Variants in FCHO2 observed in about 807,000 individuals in gnomAD.
The protein encoded by FCHO2 is F-BAR domain only protein 2.
A neutral mutation model predicts 114.1 loss-of-function variants in FCHO2; 43 were observed. That is an observed-to-expected ratio of 0.38 (90% CI 0.30 to 0.49). The LOEUF is 0.49. FCHO2 is among the 20% of genes least tolerant of loss of function. The pLI is 0.97. For missense variants in FCHO2, 807 were observed against 950.4 expected (o/e 0.85, Z 1.98); for synonymous variants, 293 against 315.2 (o/e 0.93, Z 0.75).
At chr5:73,081,061 G>A (rs1404528607) in intron 22 of FCHO2, among the ~76,000 whole-genome samples, 1 of 152,194 alleles carries the variant, frequency 6.6e-6, no homozygotes, top group Non-Finnish European at 1.5e-5. Context: ...AGTGAGCCAT[G>A]AGCATGCCAC....
At chr5:73,011,139 A>T (rs945439289) in intron 6 of FCHO2, among the ~76,000 whole-genome samples, 2 of 152,168 alleles carry the variant, frequency 1.3e-5, no homozygotes, top group African/African-American at 4.8e-5. Context: ...TTGAATGGAG[A>T]TTGCAGGACT....
chr5:72,998,679 C>T (rs1220237362), intron 5 of FCHO2, among the ~76,000 whole-genome samples: 5 of 149,634 alleles, frequency 3.3e-5, no homozygotes, highest in Non-Finnish European at 5.9e-5. Flanking sequence ...TTTGTGAACC[C>T]CAGTGGGCTC....
rs1260721644 is a variant in FCHO2 at position 73,087,580 on chromosome 5, T to A, written c.2246-9T>A. 1 of 1,613,248 alleles carries A rather than the reference T, an allele frequency of 6.2e-7. No individual in the cohort carries two copies. Among genetic ancestry groups the A allele is most frequent in the South Asian group, 1.1e-5 (1 of 91,008 alleles). ...ACCCTGTGTAAGTGCTTTATTCTTTTCTTTGTAGGTTCTGGGTCCCTCCGA... is the reference window on the plus strand; with the variant it reads ...ACCCTGTGTAAGTGCTTTATTCTTTACTTTGTAGGTTCTGGGTCCCTCCGA... On this transcript the variant is annotated splice_polypyrimidine_tract_variant and intron_variant, in intron 24 of 25. Transcript: ENST00000430046.
At chr5:73,044,917 T>C (rs991250668) in intron 11 of FCHO2, among the ~76,000 whole-genome samples, 4 of 152,180 alleles carry the variant, frequency 2.6e-5, no homozygotes. Flanking sequence ...GGCCCTAATA[T>C]AGAAATCATG....
chr5:73,035,490 T>G (rs1756453186), intron 9 of FCHO2, among the ~76,000 whole-genome samples: 1 of 152,100 alleles, frequency 6.6e-6, no homozygotes, highest in Non-Finnish European at 1.5e-5. Flanking sequence ...ACCTAAGGTC[T>G]CTACTGCTCT....
At chr5:72,964,577 G>T (rs1752078291) in intron 1 of FCHO2, among the ~76,000 whole-genome samples, 1 of 152,138 alleles carries the variant, frequency 6.6e-6, no homozygotes, top group South Asian at 2.1e-4. Flanking sequence ...TAGTAGGGAC[G>T]GGGTTTCACC....
At chr5:72,970,978 A>G (rs1580010816) in intron 2 of FCHO2, among the ~76,000 whole-genome samples, 1 of 152,144 alleles carries the variant, frequency 6.6e-6, no homozygotes, top group East Asian at 1.9e-4. Flanking sequence ...GTGATAGTTT[A>G]CTGAGAATGA....
At chr5:73,028,673 A>G (rs1260904689) in intron 8 of FCHO2, among the ~76,000 whole-genome samples, 1 of 83,756 alleles carries the variant, frequency 1.2e-5, no homozygotes, top group Non-Finnish European at 2.5e-5. Context: ...TTTTTGTGAC[A>G]AGAGTCTCGC....
chr5:72,956,155 G>A, intron 1 of FCHO2, 26 bp downstream of exon 1: 2 of 1,533,334 alleles, frequency 1.3e-6, no homozygotes, highest in Non-Finnish European at 1.8e-6. Flanking sequence ...TGGAAGTCGT[G>A]TGTTTCGAAG....
chr5:72,979,908 T>C (rs1022116023), intron 2 of FCHO2, among the ~76,000 whole-genome samples: 1 of 152,216 alleles, frequency 6.6e-6, no homozygotes, highest in African/African-American at 2.4e-5. Flanking sequence ...CCTGGATTCA[T>C]TGATTTTTTT....
At chr5:73,011,134 T>C (rs1754986986) in intron 6 of FCHO2, among the ~76,000 whole-genome samples, 1 of 152,108 alleles carries the variant, frequency 6.6e-6, no homozygotes, top group African/African-American at 2.4e-5. Flanking sequence ...TTATGTTGAA[T>C]GGAGATTGCA....
chr5:73,021,088 A>G (rs1246133978), intron 8 of FCHO2: 1 of 828,702 alleles, frequency 1.2e-6, no homozygotes, highest in East Asian at 2.4e-5. Flanking sequence ...GACATTGATG[A>G]TTCGGTCCCC....
At chr5:73,028,760 C>T (rs1756076526) in intron 8 of FCHO2, among the ~76,000 whole-genome samples, 1 of 149,726 alleles carries the variant, frequency 6.7e-6, no homozygotes, top group African/African-American at 2.5e-5. Flanking sequence ...AAGTGATTCT[C>T]CTGCTTCAGC....
chr5:73,038,558 G>A (rs760599525), intron 10 of FCHO2, among the ~76,000 whole-genome samples: 2 of 152,110 alleles, frequency 1.3e-5, no homozygotes, highest in Non-Finnish European at 2.9e-5. Context: ...TTTAATATTT[G>A]ATGGGCACTC....
chr5:73,014,304 T>G (rs1168478029), intron 6 of FCHO2, among the ~76,000 whole-genome samples: 1 of 151,270 alleles, frequency 6.6e-6, no homozygotes, highest in Non-Finnish European at 1.5e-5. Context: ...TTTTTTTTTT[T>G]TTGAGATGGA....
At chr5:73,043,685 GAACTT>G (rs751359343) in intron 11 of FCHO2, among the ~76,000 whole-genome samples, 33 of 152,078 alleles carry the variant, frequency 2.2e-4, no homozygotes, top group Non-Finnish European at 4.0e-4. Context: ...GATATGGAAA[GAACTT>G]AATAAAAGCA....
At chr5:72,989,735 C>G (rs942520069) in intron 3 of FCHO2, among the ~76,000 whole-genome samples, 1 of 152,098 alleles carries the variant, frequency 6.6e-6, no homozygotes, top group African/African-American at 2.4e-5. Context: ...AAAAACTAGT[C>G]ATTCAATAGT....
chr5:72,976,667 G>A (rs12188144), intron 2 of FCHO2, among the ~76,000 whole-genome samples: 21,046 of 151,586 alleles, frequency 0.14, 1,701 homozygotes, highest in East Asian at 0.35. Context: ...ATATAGGTGC[G>A]AACGTGCAGG....
intron 1 of FCHO2, among the ~76,000 whole-genome samples, chr5:72,963,902 G>GTTTTTTTTTTTTT (rs70973214): frequency 3.1e-5 from 3 of 95,694 alleles, no homozygotes; most frequent in African/African-American, 4.2e-5. Context: ...GGAACTTTCA[G>GTTTTTTTTTTTTT]TTTTTTTTTT....
Sources: allele counts gnomAD v4.1 joint callset (sites outside exome capture counted in the v4.1 genomes callset), GRCh38; gene constraint gnomAD v4.1.1; transcripts MANE v1.5; gene names NCBI Gene and HGNC (gene_info 2026-07-23, HGNC 2026-07-21).